The following CC2D2A variants were observed in gnomAD, a reference collection of about 807,000 sequenced individuals.
CC2D2A encodes the protein coiled-coil and C2 domain-containing protein 2A.
In CC2D2A, 155 loss-of-function variants were observed where a neutral mutation model predicts 212.9. That is an observed-to-expected ratio of 0.73 (90% CI 0.64 to 0.83). The LOEUF (loss-of-function observed/expected upper bound fraction) is 0.83. Among genes scored for constraint, CC2D2A ranks in the 40% least tolerant of loss-of-function variants. CC2D2A has a pLI of 0.00. For synonymous variants in CC2D2A, 667 were observed against 686.5 expected, an observed-to-expected ratio of 0.97 and a Z score of 0.44; for missense variants, 1,856 against 1,956.2, an observed-to-expected ratio of 0.95 and a Z score of 0.97.
At chr4:15,480,948 C>A in intron 4 of CC2D2A, 121 bp downstream of exon 4, 1 of 1,187,306 alleles carries the variant, frequency 8.4e-7, no homozygotes, top group Non-Finnish European at 1.2e-6. Flanking sequence ...CTGCTCCACC[C>A]ACTTTACCCC....
At chr4:15,489,964 C>G (rs1007883791) in intron 4 of CC2D2A, among the ~76,000 whole-genome samples, 1 of 152,168 alleles carries the variant, frequency 6.6e-6, no homozygotes, top group Non-Finnish European at 1.5e-5. Flanking sequence ...GTGCTTGGCT[C>G]TCTTGTCTTT....
rs1263391498 is a variant in CC2D2A at position 15,557,312 on chromosome 4, C to A, written c.2634C>A (p.Thr878=). The change falls in exon 21 of 37, where the codon ACC becomes ACA. Residue 878 remains threonine, a synonymous_variant. Transcript: ENST00000424120. ...TTTTCCGTTTTTTATAGGTTGCTACCAGTGGTGAATCCTATGTCCCTGATT... is the reference window on the plus strand; with the variant it reads ...TTTTCCGTTTTTTATAGGTTGCTACAAGTGGTGAATCCTATGTCCCTGATT... ...APLMQLISVA[T]SGESYVPDFF... is the part of the protein sequence containing the mutation. 3 of 1,606,840 alleles carry A rather than the reference C, an allele frequency of 1.9e-6. No homozygotes were observed. The highest frequency in any genetic ancestry group is 2.6e-6 in the Non-Finnish European group (3 of 1,176,394).
chr4:15,477,746 G>A (rs1035906762), intron 2 of CC2D2A, among the ~76,000 whole-genome samples: 1 of 152,112 alleles, frequency 6.6e-6, no homozygotes, highest in African/African-American at 2.4e-5. Context: ...CAAAGGAAAG[G>A]CCCAAACCAA....
At chr4:15,560,474 GA>G in intron 22 of CC2D2A, 56 bp from the exon 23 acceptor site, 1 of 867,570 alleles carries the variant, frequency 1.2e-6, no homozygotes, top group South Asian at 1.6e-5. Flanking sequence ...AGAGTGTGGA[GA>G]GTGAACTACG....
At chr4:15,475,188 C>A (rs990650475) in intron 1 of CC2D2A, among the ~76,000 whole-genome samples, 1 of 152,198 alleles carries the variant, frequency 6.6e-6, no homozygotes, top group South Asian at 2.1e-4. Flanking sequence ...GCAGAAGAAT[C>A]CCTTGAACCT....
chr4:15,487,119 C>T (rs1271355322), intron 4 of CC2D2A, among the ~76,000 whole-genome samples: 1 of 152,174 alleles, frequency 6.6e-6, no homozygotes, highest in Non-Finnish European at 1.5e-5. Context: ...GTGTATTCTG[C>T]AGCTGTTGGA....
Position 15,538,075 on chromosome 4 carries a change from G to T in CC2D2A, c.1941G>T (p.Glu647Asp), listed in dbSNP as rs1366284618. Residue 647 changes from glutamate to aspartate, a missense_variant, in exon 16 of 37, where the codon GAG becomes GAT. Physicochemically the swap from Glu to Asp is conservative, Grantham distance 45. Around this residue, in one of 5 missense-constraint regions of CC2D2A, gnomAD observed 1,512 missense variants for 1,579.3 expected, o/e 0.96. Coordinates refer to ENST00000424120, the MANE Select transcript of CC2D2A (RefSeq NM_001378615.1). Reference protein sequence around the residue: ...RAAQSRRRPWEPTLVPELSLA... With the variant: ...RAAQSRRRPWDPTLVPELSLA... The stretch of plus-strand genomic sequence containing the variant: ...CCCAGAGCAGGAGGAGGCCTTGGGA[G>T]CCCACGCTGGTCCCGGAGCTAAGCC... 6.2e-7 allele frequency: 1 copy of T among 1,606,514 alleles called. No homozygotes were observed. Among genetic ancestry groups the T allele is most frequent in the East Asian group, 2.2e-5 (1 of 44,602 alleles).
At chr4:15,522,094 AG>A (rs1717235921) in intron 11 of CC2D2A, among the ~76,000 whole-genome samples, 1 of 152,194 alleles carries the variant, frequency 6.6e-6, no homozygotes, top group Non-Finnish European at 1.5e-5. Flanking sequence ...CCAGCTACTC[AG>A]GAGGCTGAAG....
intron 14 of CC2D2A, 149 bp from the exon 15 acceptor site, chr4:15,536,771 C>T: frequency 3.0e-6 from 2 of 673,600 alleles, no homozygotes; most frequent in Admixed American, 2.9e-5. Context: ...ATAATAATAG[C>T]ATCTGCCTCA....
intron 6 of CC2D2A, among the ~76,000 whole-genome samples, chr4:15,504,583 T>C (rs1241444576): frequency 1.3e-5 from 2 of 152,216 alleles, no homozygotes; most frequent in Non-Finnish European, 2.9e-5. Context: ...ATTATTCATG[T>C]AGCTCTCACT....
At chr4:15,530,816 C>T (rs903230636) in intron 13 of CC2D2A, among the ~76,000 whole-genome samples, 1 of 152,000 alleles carries the variant, frequency 6.6e-6, no homozygotes, top group Admixed American at 6.6e-5. Context: ...CGAGAACTCC[C>T]CACCTCAAGC....
intron 10 of CC2D2A, 147 bp downstream of exon 10, chr4:15,516,151 TTC>T: frequency 6.5e-6 from 5 of 773,230 alleles, no homozygotes; most frequent in Non-Finnish European, 7.5e-6. Context: ...TTTTTTAACT[TTC>T]TCTCTCAGTA....
chr4:15,548,624 A>T (rs1718832225), intron 17 of CC2D2A, among the ~76,000 whole-genome samples: 1 of 152,176 alleles, frequency 6.6e-6, no homozygotes, highest in African/African-American at 2.4e-5. Flanking sequence ...AAGAAAACAC[A>T]TCATTTTCTT....
chr4:15,519,574 A>C (rs1290102213), intron 11 of CC2D2A: 1 of 440,842 alleles, frequency 2.3e-6, no homozygotes, highest in Non-Finnish European at 4.5e-6. Context: ...GACATACCCA[A>C]GCCTGGGCAA....
At chr4:15,562,028 C>T (rs893115085) in intron 23 of CC2D2A, among the ~76,000 whole-genome samples, 1 of 152,230 alleles carries the variant, frequency 6.6e-6, no homozygotes, top group African/African-American at 2.4e-5. Flanking sequence ...AGGCACCCAG[C>T]ACTCTTCTCA....
At chr4:15,487,076 C>G (rs1341348150) in intron 4 of CC2D2A, among the ~76,000 whole-genome samples, 1 of 151,968 alleles carries the variant, frequency 6.6e-6, no homozygotes, top group Admixed American at 6.6e-5. Context: ...ATAGTCTATC[C>G]TTGAGCATGT....
In CC2D2A at chr4:15,480,728, A is replaced by C; in HGVS notation, c.148A>C (p.Met50Leu). The part of the protein sequence containing the change: ...KQPPTAVPKE[M>L]VSEKSHLGNP... ...GCCACCAACTGCTGTCCCCAAGGAA[A>C]TGGTGTCCGAAAAATCCCACCTTGG... The change falls in exon 4 of 37, where the codon ATG becomes CTG. Residue 50 changes from methionine to leucine, a missense_variant. Coordinates refer to ENST00000424120, the MANE Select transcript of CC2D2A (RefSeq NM_001378615.1). The C allele has an allele frequency of 1.2e-6, 2 of 1,611,712 alleles. No individual in the cohort carries two copies. The highest frequency in any genetic ancestry group is 1.7e-6 in the Non-Finnish European group (2 of 1,179,022).
chr4:15,580,392 C>A (rs1178238002), intron 30 of CC2D2A, among the ~76,000 whole-genome samples: 1 of 152,176 alleles, frequency 6.6e-6, no homozygotes, highest in Non-Finnish European at 1.5e-5. Context: ...AATCCCAGCA[C>A]TTTGGGAGGC....
At position 15,589,294 on chromosome 4, in the gene CC2D2A, TTGAG is replaced by T. The variant is rs1239079049; in HGVS notation, c.4180-249_4180-246del. The stretch of plus-strand genomic sequence containing the variant: ...TTCAGCCAATCTTAAGATATACTGG[TTGAG>T]TAAGATGATGACTGTCCTTTTTTGG... On this transcript the variant is annotated intron_variant, in intron 32 of 36. Transcript: ENST00000424120. 3.3e-5 allele frequency among the ~76,000 whole-genome samples: 5 copies of T among 152,312 alleles called. No individual in the cohort carries two copies. The East Asian group carries it at 9.6e-4, about 29-fold the overall frequency.
Sources: gnomAD v4.1 joint callset for allele counts (sites outside exome capture counted in the v4.1 genomes callset) on GRCh38, gnomAD v4.1.1 for gene constraint, gnomAD v4.1.1 regional missense constraint, MANE v1.5 for transcripts, NCBI Gene and HGNC (gene_info 2026-07-23, HGNC 2026-07-21) for gene names.